Variants in GNB1L observed in about 807,000 individuals in gnomAD.
GNB1L encodes guanine nucleotide-binding protein subunit beta-like protein 1.
Under a neutral mutation model 29.1 loss-of-function variants are expected in GNB1L, and 20 were observed. That is an observed-to-expected ratio of 0.69 (90% CI 0.48 to 1.00). The LOEUF (loss-of-function observed/expected upper bound fraction) is 1.00, where lower values mean the gene tolerates loss of function less well. GNB1L is among the 50% of genes least tolerant of loss of function. The pLI, the probability that GNB1L is intolerant of heterozygous loss-of-function variation, is 0.00. For missense variants in GNB1L, 421 were observed against 464.9 expected (o/e 0.91, Z 0.87); for synonymous variants, 193 against 206.5 (o/e 0.93, Z 0.56).
At chr22:19,845,028 G>A (rs528166750) in intron 2 of GNB1L, among the ~76,000 whole-genome samples, 2 of 152,342 alleles carry the variant, frequency 1.3e-5, no homozygotes, top group Admixed American at 6.5e-5. Flanking sequence ...AAACTTGGTC[G>A]GAGCTGGAGG....
intron 6 of GNB1L, among the ~76,000 whole-genome samples, 195 bp downstream of exon 6, chr22:19,806,464 G>A (rs1366687630): frequency 1.3e-5 from 2 of 152,246 alleles, no homozygotes; most frequent in Non-Finnish European, 2.9e-5. Context: ...CTCTCCTGGG[G>A]CACTGACAGG....
In GNB1L at chr22:19,788,959, A is replaced by T. The variant is rs2145857885; in HGVS notation, c.734T>A (p.Val245Glu). 2.5e-6 allele frequency: 4 copies of T among 1,598,692 alleles called. No homozygotes were observed. In the East Asian group the frequency reaches 9.0e-5, roughly 36 times the overall value. ...ATTGGTGAGTTCATGAGTCCCACGC[A>T]CCTGTGAGAGTTGGGAGAGGTGTTA... ...WSLDWQQALQ[V>E]RGTHELTNPG... is the part of the protein sequence containing the mutation. The change falls in exon 8 of 8, where the codon GTG (valine) becomes GAG (glutamate). Residue 245 changes from valine to glutamate, a missense_variant and splice_region_variant. Val to Glu is a moderately radical substitution (Grantham distance 121). Transcript: ENST00000329517.
chr22:19,825,926 C>G (rs9618704), intron 2 of GNB1L, among the ~76,000 whole-genome samples: 3,975 of 152,264 alleles, frequency 0.026, 179 homozygotes, highest in African/African-American at 0.089. Context: ...CCACGGCACT[C>G]CAGCCTGGAC....
intron 2 of GNB1L, among the ~76,000 whole-genome samples, chr22:19,839,620 TG>T (rs1751715475): frequency 2.6e-5 from 4 of 152,026 alleles, no homozygotes; most frequent in Admixed American, 2.6e-4. Flanking sequence ...GGCTCACACC[TG>T]TAATCCCAGC....
intron 2 of GNB1L, chr22:19,852,161 G>A (rs1363090518): frequency 3.7e-6 from 6 of 1,613,992 alleles, no homozygotes; most frequent in Non-Finnish European, 4.2e-6. Flanking sequence ...CACCCCAGGA[G>A]ACGCCTTGTC....
chr22:19,807,583 C>T (rs1937450815), intron 5 of GNB1L, among the ~76,000 whole-genome samples: 1 of 152,210 alleles, frequency 6.6e-6, no homozygotes, highest in African/African-American at 2.4e-5. Context: ...ATAGGAACCA[C>T]TTGGAATGAG....
intron 4 of GNB1L, among the ~76,000 whole-genome samples, chr22:19,814,369 G>A (rs1216512558): frequency 6.6e-6 from 1 of 152,118 alleles, no homozygotes; most frequent in Admixed American, 6.6e-5. Flanking sequence ...CTCCCGTCTC[G>A]GCCTCCTGAG....
At chr22:19,825,085 C>T (rs1488410833) in intron 2 of GNB1L, among the ~76,000 whole-genome samples, 1 of 152,236 alleles carries the variant, frequency 6.6e-6, no homozygotes, top group Non-Finnish European at 1.5e-5. Context: ...ACCAGGTCCT[C>T]CCTGTCCCAT....
At chr22:19,802,862 G>C (rs1322084271) in intron 6 of GNB1L, among the ~76,000 whole-genome samples, 3 of 152,252 alleles carry the variant, frequency 2.0e-5, no homozygotes, top group Non-Finnish European at 2.9e-5. Flanking sequence ...CAAGCCCTGG[G>C]CAGACACCTC....
At chr22:19,808,686 G>T (rs1309654125) in intron 5 of GNB1L, among the ~76,000 whole-genome samples, 1 of 152,248 alleles carries the variant, frequency 6.6e-6, no homozygotes, top group Non-Finnish European at 1.5e-5. Context: ...GGGCTTAGCC[G>T]TTCTTTGTCT....
intron 2 of GNB1L, among the ~76,000 whole-genome samples, chr22:19,822,360 C>T (rs974095063): frequency 5.3e-5 from 8 of 152,138 alleles, no homozygotes; most frequent in Non-Finnish European, 1.0e-4. Flanking sequence ...GGAAGACTGC[C>T]GGGCCACCAC....
intron 2 of GNB1L, chr22:19,846,289 A>G (rs1291833656): frequency 1.3e-5 from 5 of 376,792 alleles, no homozygotes; most frequent in Non-Finnish European, 1.8e-5. Context: ...CTCAAGGTTG[A>G]ATGTCAAAGG....
intron 5 of GNB1L, among the ~76,000 whole-genome samples, chr22:19,809,657 T>C (rs1046390861): frequency 3.9e-5 from 6 of 152,208 alleles, no homozygotes; most frequent in African/African-American, 1.4e-4. Flanking sequence ...CCTGCCTGTC[T>C]GTATGCTCCC....
At chr22:19,789,087 C>T (rs904531525) in intron 7 of GNB1L, 127 bp from the exon 8 acceptor site, 44 of 985,958 alleles carry the variant, frequency 4.5e-5, no homozygotes, top group South Asian at 2.2e-4. Flanking sequence ...GAGGGCCACA[C>T]GCTCCTACCC....
At chr22:19,791,406 C>T (rs1321779604) in intron 7 of GNB1L, among the ~76,000 whole-genome samples, 1 of 152,236 alleles carries the variant, frequency 6.6e-6, no homozygotes, top group African/African-American at 2.4e-5. Context: ...TGTTTACAGG[C>T]AGGGAGCACT....
chr22:19,817,487 G>GA (rs923739183), intron 4 of GNB1L, among the ~76,000 whole-genome samples: 26 of 149,564 alleles, frequency 1.7e-4, no homozygotes, highest in Middle Eastern at 3.4e-3. Context: ...CTCAAAAAAA[G>GA]AAAAAAAAAC....
intron 7 of GNB1L, 88 bp from the exon 8 acceptor site, chr22:19,789,048 A>G: frequency 2.9e-6 from 4 of 1,402,024 alleles, no homozygotes; most frequent in Non-Finnish European, 3.9e-6. Context: ...TGGAACCAGG[A>G]GAGACGCAGG....
intron 6 of GNB1L, among the ~76,000 whole-genome samples, chr22:19,806,172 AT>A (rs1447480183): frequency 6.6e-6 from 1 of 152,268 alleles, no homozygotes; most frequent in African/African-American, 2.4e-5. Flanking sequence ...GAAATTCCAA[AT>A]GTGGCCTCAG....
rs767598622 is a variant in GNB1L at position 19,812,395 on chromosome 22, C to T, written c.307G>A (p.Ala103Thr). 63 of 1,613,298 alleles carry T rather than the reference C, an allele frequency of 3.9e-5. No homozygotes were observed. The highest frequency in any genetic ancestry group is 6.6e-5 in the South Asian group (6 of 91,080). ...CLWDLAEGRS[A>T]VVDSVCLESV... is the part of the protein sequence containing the mutation. ...TCCAAGCACACGGAGTCCACGACAG[C>T]GCTCCTGCCCTCCGCGAGGTCCCAC... Residue 103 changes from alanine to threonine, a missense_variant, in exon 5 of 8, where the codon GCT (alanine) becomes ACT (threonine). Coordinates refer to ENST00000329517, the MANE Select transcript of GNB1L (RefSeq NM_053004.3).
Sources: gnomAD v4.1 joint callset for allele counts (sites outside exome capture counted in the v4.1 genomes callset) on GRCh38, gnomAD v4.1.1 for gene constraint, MANE v1.5 for transcripts, NCBI Gene and HGNC (gene_info 2026-07-23, HGNC 2026-07-21) for gene names.